Variants in GRIN2D observed in about 807,000 individuals in gnomAD.
GRIN2D encodes the protein glutamate receptor ionotropic, NMDA 2D.
A neutral mutation model predicts 103.2 loss-of-function variants in GRIN2D; 37 were observed. The ratio of observed to expected loss-of-function variants is 0.36; its 90% CI spans 0.28 to 0.47. The LOEUF (loss-of-function observed/expected upper bound fraction) is 0.47. Ranked by LOEUF, GRIN2D falls within the 20% of genes least tolerant of loss-of-function variation. The pLI, the probability that GRIN2D is intolerant of heterozygous loss-of-function variation, is 1.00. For missense variants in GRIN2D, 1,557 were observed against 1,910.6 expected (o/e 0.81, Z 3.45); for synonymous variants, 845 against 885.6 (o/e 0.95, Z 0.81).
intron 2 of GRIN2D, among the ~76,000 whole-genome samples, chr19:48,397,471 G>T (rs948429730): frequency 2.6e-5 from 4 of 151,628 alleles, no homozygotes; most frequent in African/African-American, 9.7e-5. Flanking sequence ...TCCTGTTTTC[G>T]CTCCGCTCTG....
At chr19:48,403,867 A>ATGACAGTGATGTTAGCTGC (rs1198233142) in intron 3 of GRIN2D, among the ~76,000 whole-genome samples, 1 of 152,180 alleles carries the variant, frequency 6.6e-6, no homozygotes, top group Non-Finnish European at 1.5e-5. Flanking sequence ...GGTTGTATTA[A>ATGACAGTGATGTTAGCTGC]TGACAGTGAT....
intron 3 of GRIN2D, among the ~76,000 whole-genome samples, chr19:48,400,887 G>A (rs1006744894): frequency 6.6e-6 from 1 of 152,130 alleles, no homozygotes; most frequent in African/African-American, 2.4e-5. Context: ...CCAACATGGA[G>A]AAACCCCATC....
chr19:48,442,662 A>T lies in GRIN2D; in HGVS notation c.2736A>T (p.Pro912=). 1 of 1,453,002 alleles carries T rather than the reference A, an allele frequency of 6.9e-7. No individual in the cohort carries two copies. Among genetic ancestry groups the T allele is most frequent in the Non-Finnish European group, 9.1e-7 (1 of 1,100,164 alleles). The allele number at this position is 1,453,002 out of a possible 1,614,324, so 90.0% of individuals were successfully genotyped here. A position where few individuals can be genotyped will look rare whatever the true frequency, so the allele number is the denominator to read the frequency against. The change falls in exon 14 of 14, where the codon CCA becomes CCT. Residue 912 remains proline (P), a synonymous_variant. Coordinates refer to ENST00000263269, the MANE Select transcript of GRIN2D (RefSeq NM_000836.4). The surrounding 1 kb of genome is among the most constrained non-coding windows in gnomAD (Gnocchi z 7.2). ...CGCCCGCCAAGCCCCCGCCGCCGCC[A>T]CAGCCCCTGCCCAGCCCCGCGTACC... The part of the protein sequence containing the change: ...APPPAKPPPP[P]QPLPSPAYPA...
chr19:48,404,186 G>C (rs34445282), intron 3 of GRIN2D, among the ~76,000 whole-genome samples: 5 of 150,990 alleles, frequency 3.3e-5, no homozygotes, highest in African/African-American at 9.8e-5. Context: ...GTTGCAGTGA[G>C]CCGAGATTGT....
At chr19:48,404,429 G>A (rs1031944024) in intron 3 of GRIN2D, among the ~76,000 whole-genome samples, 1 of 152,010 alleles carries the variant, frequency 6.6e-6, no homozygotes, top group Non-Finnish European at 1.5e-5. Flanking sequence ...GGAGGCGGAG[G>A]TTGCAGTGAG....
At chr19:48,401,097 A>AG (rs1555891640) in intron 3 of GRIN2D, among the ~76,000 whole-genome samples, 2 of 147,224 alleles carry the variant, frequency 1.4e-5, no homozygotes, top group Non-Finnish European at 3.0e-5. Flanking sequence ...AAAAAAAAAA[A>AG]CAATAAACAA....
At chr19:48,437,042 G>T (rs1219943527) in intron 11 of GRIN2D, among the ~76,000 whole-genome samples, 7 of 152,176 alleles carry the variant, frequency 4.6e-5, no homozygotes, top group Admixed American at 1.3e-4. Flanking sequence ...AAGAAAGAAA[G>T]GACGGATGCA....
At chr19:48,440,742 A>T (rs1032130659) in intron 11 of GRIN2D, among the ~76,000 whole-genome samples, 12 of 152,022 alleles carry the variant, frequency 7.9e-5, no homozygotes, top group African/African-American at 2.9e-4. Context: ...GCTGGAGTGC[A>T]GTGGCTCGAT....
intron 3 of GRIN2D, among the ~76,000 whole-genome samples, chr19:48,399,577 GA>G (rs1481028826): frequency 3.3e-5 from 5 of 152,146 alleles, no homozygotes; most frequent in African/African-American, 1.2e-4. Context: ...AAAAGAAAAA[GA>G]AAAGGAATGG....
chr19:48,427,240 G>A (rs1343011314), intron 11 of GRIN2D, among the ~76,000 whole-genome samples: 1 of 151,884 alleles, frequency 6.6e-6, no homozygotes, highest in Non-Finnish European at 1.5e-5. Flanking sequence ...AGAACTGCAT[G>A]AGCCCTGGAG....
chr19:48,417,320 A>G (rs961387045), intron 8 of GRIN2D, among the ~76,000 whole-genome samples: 1 of 152,142 alleles, frequency 6.6e-6, no homozygotes, highest in African/African-American at 2.4e-5. Context: ...TATGCCAGAG[A>G]CAGAGTGGGG....
chr19:48,442,877 C>A lies in GRIN2D; in HGVS notation c.2951C>A (p.Pro984Gln). ...GLGLGEARAA[P>Q]RGAAGRPLSP... ...GGCCTGGGCGAAGCGCGCGCGGCACCGCGGGGCGCAGCCGGGCGCCCGCTG... is the reference window on the plus strand; with the variant it reads ...GGCCTGGGCGAAGCGCGCGCGGCACAGCGGGGCGCAGCCGGGCGCCCGCTG... The change falls in exon 14 of 14, where the codon CCG (proline) becomes CAG (glutamine). Residue 984 changes from proline to glutamine, a missense_variant. Pro to Gln is a moderately conservative substitution (Grantham distance 76). Coordinates refer to ENST00000263269, the MANE Select transcript of GRIN2D (RefSeq NM_000836.4). The surrounding 1 kb of genome is among the most constrained non-coding windows in gnomAD (Gnocchi z 7.2). 9.2e-7 allele frequency: 1 copy of A among 1,090,980 alleles called. No individual in the cohort carries two copies. 67.6% of individuals were successfully genotyped at this position (1,090,980 alleles called of 1,614,324 possible). A position where few individuals can be genotyped will look rare whatever the true frequency, so the allele number is the denominator to read the frequency against.
chr19:48,427,477 T>C (rs113022648), intron 11 of GRIN2D, among the ~76,000 whole-genome samples: 57 of 106,940 alleles, frequency 5.3e-4, no homozygotes, highest in South Asian at 2.1e-3. Context: ...CTTTTCTTTT[T>C]TTTTTTTTTT....
At chr19:48,434,645 G>A (rs7351100) in intron 11 of GRIN2D, among the ~76,000 whole-genome samples, 100,445 of 151,752 alleles carry the variant, frequency 0.66, 35,214 homozygotes, top group Non-Finnish European at 0.79. Context: ...TGTTGCCCAG[G>A]CTGGTCTCAA....
chr19:48,434,419 A>G (rs960245601), intron 11 of GRIN2D, among the ~76,000 whole-genome samples: 4 of 151,902 alleles, frequency 2.6e-5, no homozygotes, highest in Non-Finnish European at 5.9e-5. Flanking sequence ...ACACCCAGCT[A>G]GTTCTTTTTA....
intron 11 of GRIN2D, 147 bp downstream of exon 11, chr19:48,422,092 G>A (rs1971032772): frequency 2.9e-6 from 2 of 682,762 alleles, no homozygotes; most frequent in Non-Finnish European, 4.9e-6. Context: ...CACTGAGGGT[G>A]GAAGTGGACT....
chr19:48,401,287 G>T (rs1370324422), intron 3 of GRIN2D, among the ~76,000 whole-genome samples: 1 of 151,988 alleles, frequency 6.6e-6, no homozygotes, highest in Non-Finnish European at 1.5e-5. Flanking sequence ...GGGAGACAAG[G>T]TCCCTGCCTT....
chr19:48,422,024 G>GTTCA, intron 11 of GRIN2D, 79 bp downstream of exon 11: 2 of 1,440,144 alleles, frequency 1.4e-6, no homozygotes, highest in Non-Finnish European at 1.9e-6. Context: ...AGGGGTCCAG[G>GTTCA]TTCATTCATT....
In GRIN2D at chr19:48,414,808, TGA is replaced by T; in HGVS notation, c.1413-50_1413-49del. On this transcript the variant is annotated intron_variant, in intron 6 of 13. Coordinates refer to ENST00000263269, the MANE Select transcript of GRIN2D (RefSeq NM_000836.4). This position sits in a 1 kb window ranked among gnomAD's most constrained non-coding sequence, Gnocchi z 4.6. The stretch of plus-strand genomic sequence containing the variant: ...TCCCTTCCTCCATATCCTCTCTTCA[TGA>T]GAGAGTCTAAGGAGGGGGTCCCCAA... 2 of 1,562,862 alleles carry T rather than the reference TGA, an allele frequency of 1.3e-6. No homozygotes were observed. Among genetic ancestry groups the T allele is most frequent in the Non-Finnish European group, 1.8e-6 (2 of 1,140,310 alleles).
Sources: gnomAD v4.1 joint callset for allele counts (sites outside exome capture counted in the v4.1 genomes callset) on GRCh38, gnomAD v4.1.1 for gene constraint, Gnocchi (gnomAD v3.1) non-coding constraint, MANE v1.5 for transcripts, NCBI Gene and HGNC (gene_info 2026-07-23, HGNC 2026-07-21) for gene names.